SLC16A8: variants seen among roughly 807,000 people sequenced by gnomAD.
SLC16A8 encodes monocarboxylate transporter 3.
In SLC16A8, 20 loss-of-function variants were observed where a neutral mutation model predicts 22.4. The ratio of observed to expected loss-of-function variants is 0.89; its 90% confidence interval spans 0.63 to 1.30. The LOEUF (loss-of-function observed/expected upper bound fraction) is 1.30. SLC16A8 is among the 50% of genes most tolerant of loss of function. The pLI is 0.00. For missense variants in SLC16A8, 817 were observed against 740.3 expected, an observed-to-expected ratio of 1.10 and a Z score of -1.20; for synonymous variants, 393 against 358.8, an observed-to-expected ratio of 1.10 and a Z score of -1.08.
In SLC16A8 at chr22:38,078,461, A is replaced by C; in HGVS notation, c.1442T>G (p.Val481Gly). Residue 481 changes from valine (V) to glycine (G), a missense_variant, in exon 6 of 6, where the codon GTG becomes GGG. Physicochemically the swap from Val to Gly is moderately radical, Grantham distance 109. Coordinates refer to ENST00000681075, the MANE Select transcript of SLC16A8 (RefSeq NM_013356.3). ...TGTGGGCTCGCCCCGGGCGCTGAGC[A>C]CCTCCAGGGCCTCCAGGTTGCCGGG... ...EEPGNLEALE[V>G]LSARGEPTEP... 1 of 1,613,552 alleles carries C rather than the reference A, an allele frequency of 6.2e-7. No individual in the cohort carries two copies. The highest frequency in any genetic ancestry group is 1.1e-5 in the South Asian group (1 of 91,080).
Position 38,080,956 on chromosome 22 carries a change from C to T in SLC16A8, c.1082G>A (p.Gly361Asp), listed in dbSNP as rs1018704846. 4 of 1,592,772 alleles carry T rather than the reference C, an allele frequency of 2.5e-6. No homozygotes were observed. The highest frequency in any genetic ancestry group is 1.7e-4 in the Middle Eastern group (1 of 6,032). ...VAFGLSYGMV[G>D]ALQFEVLMAA... ...CATGAGCACCTCGAACTGCAGCGCGCCCACCATGCCGTAGGAGAGGCCGAA... is the reference window on the plus strand; with the variant it reads ...CATGAGCACCTCGAACTGCAGCGCGTCCACCATGCCGTAGGAGAGGCCGAA... Residue 361 changes from glycine (G) to aspartate (D), a missense_variant, in exon 5 of 6, where the codon GGC becomes GAC. Coordinates refer to ENST00000681075, the MANE Select transcript of SLC16A8 (RefSeq NM_013356.3).
In SLC16A8 at chr22:38,081,270, G is replaced by C. The variant is rs140600747; in HGVS notation, c.768C>G (p.Tyr256Ter). The change falls in exon 5 of 6, where the codon TAC (tyrosine) becomes TAG (stop). Residue 256 changes from tyrosine to a stop codon, truncating the protein, a stop_gained. Coordinates refer to ENST00000681075, the MANE Select transcript of SLC16A8 (RefSeq NM_013356.3). LOFTEE classifies it high-confidence loss of function. ...AVCTDRAFAV[Y>*]AVTKFLMALG... ...GCGCCATCAGGAACTTGGTGACGGC[G>C]TACACGGCGAAGGCGCGGTCGGTGC... The C allele has an allele frequency of 6.3e-7, 1 of 1,582,278 alleles. No individual in the cohort carries two copies. The highest frequency in any genetic ancestry group is 8.6e-7 in the Non-Finnish European group (1 of 1,164,018).
chr22:38,078,188 C>T lies in SLC16A8; in HGVS notation c.*200G>A. The T allele has an allele frequency of 1.8e-6, 1 of 570,062 alleles. No individual in the cohort carries two copies. Among genetic ancestry groups the T allele is most frequent in the Admixed American group, 3.1e-5 (1 of 32,678 alleles). 35.3% of individuals were successfully genotyped at this position (570,062 alleles called of 1,614,324 possible). A position where few individuals can be genotyped will look rare whatever the true frequency, so the allele number is the denominator to read the frequency against. ...GTTTCCTGTTGCTCCATAGCAGCTT[C>T]ACTGGCGATGGGGCAGGGCCTGGCG... On this transcript the variant is annotated 3_prime_UTR_variant, in exon 6 of 6. Transcript: ENST00000681075.
In SLC16A8 at chr22:38,081,187, G is replaced by C; in HGVS notation, c.851C>G (p.Pro284Arg). The stretch of plus-strand genomic sequence containing the variant: ...CAGCAGGAAGGCGGCGTCGGTGTCG[G>C]GCACGCCCGCGTCCTTGGCGTAGTT... ...LVNYAKDAGV[P>R]DTDAAFLLSI... is the part of the protein sequence containing the mutation. Residue 284 changes from proline (P) to arginine (R), a missense_variant, in exon 5 of 6, where the codon CCC becomes CGC. Pro to Arg is a moderately radical substitution (Grantham distance 103, BLOSUM62 -2). Coordinates refer to ENST00000681075, the MANE Select transcript of SLC16A8 (RefSeq NM_013356.3). 6.4e-7 allele frequency: 1 copy of C among 1,556,662 alleles called. No homozygotes were observed. The highest frequency in any genetic ancestry group is 1.4e-5 in the African/African-American group (1 of 73,398).
chr22:38,083,959 A>C (rs1164529888), intron 1 of SLC16A8, 29 bp downstream of exon 1: 2 of 152,176 alleles, frequency 1.3e-5, no homozygotes, highest in Non-Finnish European at 2.9e-5. Context: ...CAGGAGGGTG[A>C]TCCCAGGCAG....
In SLC16A8 at chr22:38,081,416, T is replaced by A; in HGVS notation, c.622A>T (p.Ser208Cys). ...GCGTCCCCGGCGCGGTCGCCGGCGC[T>A]GTCCCTGCGCGGTCGCGGGCCCGGC... is the stretch of plus-strand genomic sequence containing the variant. ...PGPGPRPRRD[S>C]AGDRAGDAPG... Residue 208 changes from serine to cysteine, a missense_variant, in exon 5 of 6, where the codon AGC becomes TGC. Physicochemically the swap from Ser to Cys is moderately radical, Grantham distance 112 (BLOSUM62 -1). Coordinates refer to ENST00000681075, the MANE Select transcript of SLC16A8 (RefSeq NM_013356.3). The A allele has an allele frequency of 7.6e-7, 1 of 1,321,498 alleles. No individual in the cohort carries two copies. The highest frequency in any genetic ancestry group is 9.6e-7 in the Non-Finnish European group (1 of 1,041,882). 81.9% of individuals were successfully genotyped at this position (1,321,498 alleles called of 1,614,324 possible). A position where few individuals can be genotyped will look rare whatever the true frequency, so the allele number is the denominator to read the frequency against.
intron 3 of SLC16A8, 132 bp downstream of exon 3, chr22:38,082,528 A>T: frequency 1.3e-6 from 1 of 757,926 alleles, no homozygotes. Context: ...TTCTGGTGCC[A>T]GGGTTCCCAC....
rs1268653325 is a variant in SLC16A8 at position 38,081,038 on chromosome 22, C to G, written c.1000G>C (p.Asp334His). 9 of 1,594,110 alleles carry G rather than the reference C, an allele frequency of 5.6e-6. No individual in the cohort carries two copies. Among genetic ancestry groups the G allele is most frequent in the Non-Finnish European group, 7.7e-6 (9 of 1,176,070 alleles). ...SLALLANGLTDLSSARARSYG... is the reference protein window; with the variant it reads ...SLALLANGLTHLSSARARSYG... ...GAGCGCGCGCGTGCGCTGCTCAGGT[C>G]TGTGAGCCCATTGGCCAGCAGGGCC... Residue 334 changes from aspartate to histidine, a missense_variant, in exon 5 of 6, where the codon GAC (aspartate) becomes CAC (histidine). Coordinates refer to ENST00000681075, the MANE Select transcript of SLC16A8 (RefSeq NM_013356.3).
In SLC16A8 at chr22:38,081,441, C is replaced by T; in HGVS notation, c.597G>A (p.Gly199=). The T allele has an allele frequency of 1.6e-6, 2 of 1,286,330 alleles. No individual in the cohort carries two copies. Among genetic ancestry groups the T allele is most frequent in the South Asian group, 2.6e-5 (1 of 38,160 alleles). 79.7% of individuals were successfully genotyped at this position (1,286,330 alleles called of 1,614,324 possible). A position where few individuals can be genotyped will look rare whatever the true frequency, so the allele number is the denominator to read the frequency against. The change falls in exon 5 of 6, where the codon GGG becomes GGA. Residue 199 remains glycine (G), a synonymous_variant. Transcript: ENST00000681075. The stretch of plus-strand genomic sequence containing the variant: ...TGTCCCTGCGCGGTCGCGGGCCCGG[C>T]CCGGGCGGCGGCCTCATGACAGCCC... The part of the protein sequence containing the change: ...ACGAVMRPPP[G]PGPRPRRDSA...
At chr22:38,082,508 C>G (rs1298678062) in intron 3 of SLC16A8, 152 bp downstream of exon 3, 1 of 710,910 alleles carries the variant, frequency 1.4e-6, no homozygotes, top group African/African-American at 1.8e-5. Context: ...CCCGCCCTCT[C>G]TTCCCCTCTT....
In SLC16A8 at chr22:38,081,649, G is replaced by C. The variant is rs1354883745; in HGVS notation, c.389C>G (p.Ser130Trp). Residue 130 changes from serine to tryptophan, a missense_variant, in exon 5 of 6, where the codon TCG becomes TGG. Transcript: ENST00000681075. ...GLGLALNFQP[S>W]LIMLGLYFER... The stretch of plus-strand genomic sequence containing the variant: ...GAAGTACAGCCCCAGCATGATGAGC[G>C]ACGGCTGGAAGTTGAGGGCCAGGCC... The C allele has an allele frequency of 3.3e-6, 5 of 1,525,728 alleles. No individual in the cohort carries two copies. In the Admixed American group the frequency reaches 1.0e-4, roughly 31 times the overall value. 94.5% of individuals were successfully genotyped at this position (1,525,728 alleles called of 1,614,324 possible).
intron 5 of SLC16A8, among the ~76,000 whole-genome samples, chr22:38,080,515 G>A (rs1489748021): frequency 2.0e-5 from 3 of 152,144 alleles, no homozygotes; most frequent in Admixed American, 6.5e-5. Flanking sequence ...TGCAACTTGC[G>A]CTAAGGCTTT....
At chr22:38,078,740 T>C (rs2085880206) in intron 5 of SLC16A8, 36 bp from the exon 6 acceptor site, 1 of 1,563,082 alleles carries the variant, frequency 6.4e-7, no homozygotes. Flanking sequence ...AGAGGTAAGG[T>C]CCTGTGGGGT....
intron 5 of SLC16A8, among the ~76,000 whole-genome samples, chr22:38,080,301 C>T (rs565727590): frequency 7.9e-5 from 12 of 152,154 alleles, no homozygotes; most frequent in Non-Finnish European, 1.0e-4. Context: ...CTAAGGGTGA[C>T]GGTGACAAGT....
rs1280792216 is a variant in SLC16A8, at chr22:38,081,005, C to T, written c.1033G>A (p.Ala345Thr). ...AAGGCGACGCAGAAGGCGACGAGGGCGCCGTAGGAGCGCGCGCGTGCGCTG... is the reference window on the plus strand; with the variant it reads ...AAGGCGACGCAGAAGGCGACGAGGGTGCCGTAGGAGCGCGCGCGTGCGCTG... Reference protein sequence around the residue: ...LSSARARSYGALVAFCVAFGL... With the variant: ...LSSARARSYGTLVAFCVAFGL... The change falls in exon 5 of 6, where the codon GCC becomes ACC. Residue 345 changes from alanine to threonine, a missense_variant. Ala to Thr is a moderately conservative substitution (Grantham distance 58). Coordinates refer to ENST00000681075, the MANE Select transcript of SLC16A8 (RefSeq NM_013356.3). The T allele has an allele frequency of 1.9e-6, 3 of 1,598,232 alleles. No homozygotes were observed. Among genetic ancestry groups the T allele is most frequent in the South Asian group, 1.1e-5 (1 of 89,944 alleles).
At chr22:38,082,154 T>C (rs2085927866) in intron 3 of SLC16A8, 122 bp from the exon 4 acceptor site, 1 of 1,194,170 alleles carries the variant, frequency 8.4e-7, no homozygotes, top group African/African-American at 1.5e-5. Flanking sequence ...TCACACAGCT[T>C]GGAGGGGACA....
intron 5 of SLC16A8, among the ~76,000 whole-genome samples, chr22:38,080,637 C>T (rs2085900253): frequency 6.6e-6 from 1 of 152,180 alleles, no homozygotes; most frequent in Non-Finnish European, 1.5e-5. Flanking sequence ...TGCTTTCTTC[C>T]CTGCACCTTC....
rs755646526 is a variant in SLC16A8, at chr22:38,078,418, C to T, written c.1485G>A (p.Ala495=). The T allele has an allele frequency of 1.2e-5, 19 of 1,606,504 alleles. No individual in the cohort carries two copies. Among genetic ancestry groups the T allele is most frequent in the Non-Finnish European group, 1.4e-5 (17 of 1,178,684 alleles). Residue 495 remains alanine, a synonymous_variant, in exon 6 of 6, where the codon GCG becomes GCA. Coordinates refer to ENST00000681075, the MANE Select transcript of SLC16A8 (RefSeq NM_013356.3). ...RGEPTEPEIE[A]RPRLAAESV Reference sequence around the variant, plus strand: ...CAGACTCGGCAGCCAGCCTCGGCCTCGCCTCTATTTCTGGTTCTGTGGGCT... The same window carrying T: ...CAGACTCGGCAGCCAGCCTCGGCCTTGCCTCTATTTCTGGTTCTGTGGGCT...
In SLC16A8 at chr22:38,084,048, G is replaced by GGCC. The variant is rs1438754698; in HGVS notation, c.-392_-390dup. The stretch of plus-strand genomic sequence containing the variant: ...ACATCTCCTGAGGCCTGCAGGGAGG[G>GGCC]GCCGCCGCCGCAGCTCCCGGTGAAG... On this transcript the variant is annotated 5_prime_UTR_variant, in exon 1 of 6. Coordinates refer to ENST00000681075, the MANE Select transcript of SLC16A8 (RefSeq NM_013356.3). 6.6e-6 allele frequency: 1 copy of GGCC among 152,640 alleles called. No homozygotes were observed. Among genetic ancestry groups the GGCC allele is most frequent in the African/African-American group, 2.4e-5 (1 of 41,440 alleles). 9.5% of individuals were successfully genotyped at this position (152,640 alleles called of 1,614,324 possible). A position where few individuals can be genotyped will look rare whatever the true frequency, so the allele number is the denominator to read the frequency against.
Sources: gnomAD v4.1 joint callset for allele counts (sites outside exome capture counted in the v4.1 genomes callset) on GRCh38, gnomAD v4.1.1 for gene constraint, MANE v1.5 for transcripts, NCBI Gene and HGNC (gene_info 2026-07-23, HGNC 2026-07-21) for gene names.